The following PPTC7 variants were observed in gnomAD, a reference collection of about 807,000 sequenced individuals.
PPTC7 encodes protein phosphatase targeting COQ7.
PPTC7 carries 6 observed loss-of-function variants against 30.8 expected under a neutral mutation model. The ratio of observed to expected loss-of-function variants is 0.19; its 90% confidence interval spans 0.11 to 0.38. The LOEUF is 0.38. Among genes scored for constraint, PPTC7 ranks in the 10% least tolerant of loss-of-function variants. The probability of loss-of-function intolerance (pLI) is 1.00; values close to 1 mark genes in which losing one functional copy is unlikely to be tolerated. For synonymous variants in PPTC7, 163 were observed against 168.1 expected (o/e 0.97, Z 0.23); for missense variants, 218 against 404.8 (o/e 0.54, Z 3.96).
chr12:110,557,186 T>G (rs2064396084), intron 1 of PPTC7, among the ~76,000 whole-genome samples: 1 of 152,202 alleles, frequency 6.6e-6, no homozygotes, highest in Non-Finnish European at 1.5e-5. Flanking sequence ...CTCACTTGTT[T>G]GGATTGAGAA....
intron 1 of PPTC7, among the ~76,000 whole-genome samples, chr12:110,559,979 C>T (rs564433205): frequency 2.6e-5 from 4 of 152,220 alleles, no homozygotes; most frequent in Non-Finnish European, 4.4e-5. Flanking sequence ...CCTCCTGCTT[C>T]GGCCTCCCAA....
rs2064212523 is a variant in PPTC7 at position 110,535,585 on chromosome 12, TTC to T, written c.*1450_*1451del. ...TCAGTATCTCCTTTAGAGAAAGACT[TTC>T]TATATTCTCAAGTAGATTCTCATCA... On this transcript the variant is annotated 3_prime_UTR_variant, in exon 6 of 6. Transcript: ENST00000354300. 6.5e-6 allele frequency: 1 copy of T among 152,718 alleles called. No homozygotes were observed. Among genetic ancestry groups the T allele is most frequent in the African/African-American group, 2.4e-5 (1 of 41,568 alleles). 9.5% of individuals were successfully genotyped at this position (152,718 alleles called of 1,614,324 possible).
At chr12:110,548,494 A>T (rs1253112446) in intron 2 of PPTC7, among the ~76,000 whole-genome samples, 1 of 152,228 alleles carries the variant, frequency 6.6e-6, no homozygotes, top group Non-Finnish European at 1.5e-5. Context: ...GCTGTCAGAT[A>T]ACCCGCTCCA....
At chr12:110,578,401 G>A (rs538853187) in intron 1 of PPTC7, among the ~76,000 whole-genome samples, 2 of 152,196 alleles carry the variant, frequency 1.3e-5, no homozygotes, top group African/African-American at 2.4e-5. Flanking sequence ...ACCTAGTAAA[G>A]AGAAAGCACC....
intron 1 of PPTC7, among the ~76,000 whole-genome samples, chr12:110,554,340 G>GT (rs1314541843): frequency 1.3e-5 from 2 of 152,122 alleles, no homozygotes; most frequent in East Asian, 3.9e-4. Flanking sequence ...CACCCAGCTA[G>GT]TTTTTGTTTG....
At chr12:110,564,133 C>G (rs1341137254) in intron 1 of PPTC7, among the ~76,000 whole-genome samples, 1 of 152,214 alleles carries the variant, frequency 6.6e-6, no homozygotes, top group Non-Finnish European at 1.5e-5. Flanking sequence ...GAAAAGGTCA[C>G]TTCACTCCTT....
At chr12:110,559,480 CT>C (rs2064419051) in intron 1 of PPTC7, among the ~76,000 whole-genome samples, 1 of 150,500 alleles carries the variant, frequency 6.6e-6, no homozygotes, top group African/African-American at 2.4e-5. Flanking sequence ...AATCCCAGCA[CT>C]TTGGGAGGCC....
chr12:110,545,370 G>A (rs2064297938), intron 3 of PPTC7, among the ~76,000 whole-genome samples: 1 of 152,228 alleles, frequency 6.6e-6, no homozygotes, highest in Non-Finnish European at 1.5e-5. Flanking sequence ...TGGGATTACA[G>A]GCGTGAGTCA....
chr12:110,560,316 G>C (rs1311340662), intron 1 of PPTC7, among the ~76,000 whole-genome samples: 1 of 151,908 alleles, frequency 6.6e-6, no homozygotes. Context: ...TGGGAGGACT[G>C]CTTGAGTCCA....
intron 1 of PPTC7, among the ~76,000 whole-genome samples, chr12:110,556,786 G>A (rs1357792923): frequency 6.6e-6 from 1 of 152,190 alleles, no homozygotes; most frequent in Non-Finnish European, 1.5e-5. Context: ...TGCTAGTGGG[G>A]TGCTAGACTT....
intron 1 of PPTC7, among the ~76,000 whole-genome samples, chr12:110,571,676 C>T (rs989777298): frequency 6.6e-6 from 1 of 152,126 alleles, no homozygotes; most frequent in Non-Finnish European, 1.5e-5. Context: ...TATGAATGTA[C>T]AGGAAAAAAC....
chr12:110,562,669 T>C (rs1186035197), intron 1 of PPTC7, among the ~76,000 whole-genome samples: 1 of 151,776 alleles, frequency 6.6e-6, no homozygotes, highest in African/African-American at 2.4e-5. Context: ...GGCGCATGAC[T>C]GTAATACCAC....
chr12:110,564,589 T>G (rs2064464628), intron 1 of PPTC7, among the ~76,000 whole-genome samples: 1 of 152,068 alleles, frequency 6.6e-6, no homozygotes, highest in Non-Finnish European at 1.5e-5. Context: ...TCTATAAAAA[T>G]AAGGGCTGGC....
chr12:110,564,280 T>C (rs1397304763), intron 1 of PPTC7, among the ~76,000 whole-genome samples: 2 of 152,236 alleles, frequency 1.3e-5, no homozygotes, highest in Admixed American at 1.3e-4. Flanking sequence ...GCACTAATTA[T>C]GTTACAGAAG....
chr12:110,578,360 G>C (rs774484377), intron 1 of PPTC7, among the ~76,000 whole-genome samples: 2 of 152,158 alleles, frequency 1.3e-5, no homozygotes, highest in African/African-American at 2.4e-5. Flanking sequence ...AGTGTACACG[G>C]CTCCCGCTAG....
At chr12:110,578,285 G>T (rs939932862) in intron 1 of PPTC7, among the ~76,000 whole-genome samples, 3 of 152,164 alleles carry the variant, frequency 2.0e-5, no homozygotes, top group African/African-American at 7.2e-5. Flanking sequence ...GTGCACCTAG[G>T]AAGCCATGCC....
intron 1 of PPTC7, among the ~76,000 whole-genome samples, chr12:110,578,583 CAA>C (rs2064608494): frequency 6.6e-6 from 1 of 152,068 alleles, no homozygotes; most frequent in Non-Finnish European, 1.5e-5. Context: ...ATTAAAGAAA[CAA>C]AAGAGATTTC....
rs1350803495 is a variant in PPTC7 at position 110,577,042 on chromosome 12, C to A, written c.223+5767G>T. Among the ~76,000 whole-genome samples the A allele has an allele frequency of 2.0e-5, 3 of 151,686 alleles. No individual in the cohort carries two copies. The East Asian group carries it at 5.8e-4, about 29-fold the overall frequency. On this transcript the variant is annotated intron_variant, in intron 1 of 5. Coordinates refer to ENST00000354300, the MANE Select transcript of PPTC7 (RefSeq NM_139283.2). The stretch of plus-strand genomic sequence containing the variant: ...ATTGGCCAGGTGTAATGGTGGGTGC[C>A]TGTAATCCCAGCTACTTGGGAGGCT...
At chr12:110,578,681 A>T (rs1304988949) in intron 1 of PPTC7, among the ~76,000 whole-genome samples, 2 of 152,242 alleles carry the variant, frequency 1.3e-5, no homozygotes, top group Non-Finnish European at 2.9e-5. Flanking sequence ...TTACACGGAT[A>T]CTCAGTAATA....
Sources: gnomAD v4.1 joint callset for allele counts (sites outside exome capture counted in the v4.1 genomes callset) on GRCh38, gnomAD v4.1.1 for gene constraint, MANE v1.5 for transcripts, NCBI Gene and HGNC (gene_info 2026-07-23, HGNC 2026-07-21) for gene names.